NRXN1: variants seen among roughly 807,000 people sequenced by gnomAD.
NRXN1 encodes the protein neurexin 1, also known as neurexin-1.
A neutral mutation model predicts 150.9 loss-of-function variants in NRXN1; 39 were observed. The ratio of observed to expected loss-of-function variants is 0.26; its 90% CI spans 0.20 to 0.34. NRXN1 has a LOEUF of 0.34. Ranked by LOEUF, NRXN1 falls within the 10% of genes least tolerant of loss-of-function variation. The pLI, the probability that NRXN1 is intolerant of heterozygous loss-of-function variation, is 1.00. For missense variants in NRXN1, 1,815 were observed against 1,949.9 expected, an observed-to-expected ratio of 0.93 and a Z score of 1.30; for synonymous variants, 924 against 757.0, an observed-to-expected ratio of 1.22 and a Z score of -3.62.
In NRXN1 at chr2:50,292,238, C is replaced by A. The variant is rs536697027; in HGVS notation, c.3365-55268G>T. On this transcript the variant is annotated intron_variant, in intron 17 of 22. Coordinates refer to ENST00000401669, the MANE Select transcript of NRXN1 (RefSeq NM_001330078.2). Reference sequence around the variant, plus strand: ...ACATATGACAACTATATAAAATTGACATTTCACTGTCCATAATTAAGTTAT... The same window carrying A: ...ACATATGACAACTATATAAAATTGAAATTTCACTGTCCATAATTAAGTTAT... Among the ~76,000 whole-genome samples the A allele has an allele frequency of 2.4e-4, 36 of 152,088 alleles. 1 individual carries two copies. The highest frequency in any genetic ancestry group is 4.1e-4 in the Non-Finnish European group (28 of 68,014).
At chr2:50,846,071 TAGGGAGTAAA>T (rs1229823015) in intron 5 of NRXN1, among the ~76,000 whole-genome samples, 2 of 152,224 alleles carry the variant, frequency 1.3e-5, no homozygotes, top group Admixed American at 6.5e-5. Context: ...TTACTAGCTA[TAGGGAGTAAA>T]AGGCAGGAGT....
chr2:50,491,348 A>G (rs1183005049), intron 15 of NRXN1, among the ~76,000 whole-genome samples: 1 of 152,232 alleles, frequency 6.6e-6, no homozygotes, highest in Admixed American at 6.5e-5. Flanking sequence ...GAAAAGAGCA[A>G]GAATACTATT....
At chr2:50,191,500 G>A (rs1179997914) in intron 18 of NRXN1, among the ~76,000 whole-genome samples, 2 of 152,138 alleles carry the variant, frequency 1.3e-5, no homozygotes, top group African/African-American at 4.8e-5. Flanking sequence ...GATATATGTG[G>A]CCACCACCAC....
chr2:50,206,994 C>G (rs1002278478), intron 18 of NRXN1, among the ~76,000 whole-genome samples: 1 of 151,580 alleles, frequency 6.6e-6, no homozygotes, highest in Non-Finnish European at 1.5e-5. Flanking sequence ...AATTAATATA[C>G]TAAGTGTACA....
intron 17 of NRXN1, among the ~76,000 whole-genome samples, chr2:50,255,482 A>T (rs2067608960): frequency 6.6e-6 from 1 of 152,180 alleles, no homozygotes; most frequent in South Asian, 2.1e-4. Context: ...TGGTTCAAAA[A>T]ATTCTATCTT....
At chr2:50,064,571 G>A (rs933537725) in intron 19 of NRXN1, among the ~76,000 whole-genome samples, 2 of 151,950 alleles carry the variant, frequency 1.3e-5, no homozygotes, top group Admixed American at 1.3e-4. Context: ...TTCAAAATAT[G>A]TATCATCTCC....
intron 5 of NRXN1, among the ~76,000 whole-genome samples, chr2:50,858,273 A>C (rs1378902758): frequency 6.6e-6 from 1 of 152,102 alleles, no homozygotes; most frequent in Non-Finnish European, 1.5e-5. Flanking sequence ...GAAAATTTCT[A>C]TGAGGCTTTG....
intron 2 of NRXN1, chr2:50,963,935 G>C: frequency 2.4e-6 from 1 of 425,388 alleles, no homozygotes; most frequent in South Asian, 1.7e-5. Flanking sequence ...CTAGGCATCA[G>C]TCCAGTTTAA....
intron 17 of NRXN1, among the ~76,000 whole-genome samples, chr2:50,398,842 A>G (rs1205765718): frequency 6.6e-6 from 1 of 152,128 alleles, no homozygotes; most frequent in African/African-American, 2.4e-5. Flanking sequence ...TATGCTATTT[A>G]ATTATCAGCC....
At chr2:50,201,799 T>C (rs1212733441) in intron 18 of NRXN1, among the ~76,000 whole-genome samples, 3 of 152,192 alleles carry the variant, frequency 2.0e-5, no homozygotes, top group Admixed American at 6.5e-5. Context: ...ACCCTGGCTA[T>C]AGACAGCCAA....
chr2:50,855,240 G>A (rs1428992856), intron 5 of NRXN1, among the ~76,000 whole-genome samples: 1 of 151,818 alleles, frequency 6.6e-6, no homozygotes, highest in Non-Finnish European at 1.5e-5. Context: ...AACTCACTTT[G>A]CTTTGAAAGT....
At chr2:50,081,295 C>A (rs1697923998) in intron 19 of NRXN1, among the ~76,000 whole-genome samples, 1 of 152,134 alleles carries the variant, frequency 6.6e-6, no homozygotes, top group Non-Finnish European at 1.5e-5. Context: ...CAACTTATTC[C>A]TGGCCAGGCG....
chr2:50,029,413 C>T (rs567042875), intron 21 of NRXN1, among the ~76,000 whole-genome samples: 2 of 152,200 alleles, frequency 1.3e-5, no homozygotes, highest in African/African-American at 4.8e-5. Flanking sequence ...GCCCTAACTC[C>T]CAGTGAGTTT....
intron 18 of NRXN1, among the ~76,000 whole-genome samples, chr2:50,183,227 A>G (rs2060848163): frequency 6.6e-6 from 1 of 152,128 alleles, no homozygotes; most frequent in African/African-American, 2.4e-5. Flanking sequence ...ATTTGTCAGA[A>G]GCATCTGCTC....
intron 17 of NRXN1, among the ~76,000 whole-genome samples, chr2:50,390,951 C>G (rs2081648368): frequency 6.6e-6 from 1 of 152,088 alleles, no homozygotes; most frequent in Non-Finnish European, 1.5e-5. Flanking sequence ...ATTTCACAAC[C>G]TAGAAGAGCA....
rs1282428055 is a variant in NRXN1 at position 50,132,472 on chromosome 2, A to C, written c.3547-40978T>G. Among the ~76,000 whole-genome samples, 5 of 151,896 alleles carry C rather than the reference A, an allele frequency of 3.3e-5. No homozygotes were observed. The East Asian group carries it at 9.7e-4, about 30-fold the overall frequency. ...AAGGGCCCGCCACCACACCTGGCTA[A>C]TTTTTTATATTTTTAGTAGAGACAG... On this transcript the variant is annotated intron_variant, in intron 18 of 22. Coordinates refer to ENST00000401669, the MANE Select transcript of NRXN1 (RefSeq NM_001330078.2).
intron 2 of NRXN1, among the ~76,000 whole-genome samples, chr2:50,981,954 C>CAG (rs758737318): frequency 2.6e-5 from 4 of 151,548 alleles, no homozygotes; most frequent in East Asian, 3.9e-4. Context: ...AAAAGAGAGA[C>CAG]AGAGAGAGAG....
chr2:50,368,054 C>T lies in NRXN1; in HGVS notation c.3364+97388G>A, dbSNP rs144164460. ...CACTGTGGCATAAGATCAATAGTTA[C>T]ACCACTTAGCAAAGACTGTCTTTGT... On this transcript the variant is annotated intron_variant, in intron 17 of 22. Transcript: ENST00000401669. Among the ~76,000 whole-genome samples the T allele has an allele frequency of 2.0e-4, 30 of 152,132 alleles. No homozygotes were observed. In the East Asian group the frequency reaches 5.8e-3, roughly 29 times the overall value.
intron 5 of NRXN1, among the ~76,000 whole-genome samples, chr2:50,805,802 C>A (rs2105728513): frequency 6.6e-6 from 1 of 152,188 alleles, no homozygotes; most frequent in Non-Finnish European, 1.5e-5. Context: ...AAGAGTAGGG[C>A]TTTGGTGCAT....
Sources: allele counts gnomAD v4.1 joint callset (sites outside exome capture counted in the v4.1 genomes callset), GRCh38; gene constraint gnomAD v4.1.1; transcripts MANE v1.5; gene names NCBI Gene and HGNC (gene_info 2026-07-23, HGNC 2026-07-21).